Variants in SYNE1 observed in about 807,000 individuals in gnomAD.
SYNE1 encodes the protein nesprin-1.
Under a neutral mutation model 1,111.0 loss-of-function variants are expected in SYNE1, and 616 were observed. The ratio of observed to expected loss-of-function variants is 0.55; its 90% CI spans 0.52 to 0.59. The LOEUF (loss-of-function observed/expected upper bound fraction) is 0.59, where lower values mean the gene tolerates loss of function less well. Ranked by LOEUF, SYNE1 falls within the 20% of genes least tolerant of loss-of-function variation. The probability of loss-of-function intolerance (pLI) is 0.00; values close to 1 mark genes in which losing one functional copy is unlikely to be tolerated. For synonymous variants in SYNE1, 3,855 were observed against 3,825.8 expected, an observed-to-expected ratio of 1.01 and a Z score of -0.28; for missense variants, 10,006 against 10,417.0, an observed-to-expected ratio of 0.96 and a Z score of 1.72.
At chr6:152,362,446 T>A in intron 63 of SYNE1, 123 bp from the exon 64 acceptor site, 1 of 1,356,388 alleles carries the variant, frequency 7.4e-7, no homozygotes, top group Non-Finnish European at 1.0e-6. Context: ...GAAGCTTGCT[T>A]GGGAGTGAGC....
At position 152,254,955 on chromosome 6, in the gene SYNE1, T is replaced by C. The variant is rs201913828; in HGVS notation, c.19395A>G (p.Leu6465=). ...GATTCACTACTGAGTCTAGCAAGGA[T>C]AACCTGCCCAAAAGACAACCCAAAG... is the stretch of plus-strand genomic sequence containing the variant. The part of the protein sequence containing the change: ...EDTLGCLLGR[L]SLLDSVVNQR... The change falls in exon 104 of 146, where the codon TTA becomes TTG. Residue 6465 remains leucine (L), a synonymous_variant. Transcript: ENST00000367255. 35 of 1,613,950 alleles carry C rather than the reference T, an allele frequency of 2.2e-5. No individual in the cohort carries two copies. In the South Asian group the frequency reaches 2.4e-4, roughly 11 times the overall value.
intron 5 of SYNE1, among the ~76,000 whole-genome samples, chr6:152,524,173 T>C (rs1397954082): frequency 6.6e-6 from 1 of 152,188 alleles, no homozygotes; most frequent in Admixed American, 6.5e-5. Context: ...CAGTATGATG[T>C]TAGCTGTGGA....
chr6:152,236,937 A>G lies in SYNE1; in HGVS notation c.20079T>C (p.His6693=). 1 of 1,614,062 alleles carries G rather than the reference A, an allele frequency of 6.2e-7. No homozygotes were observed. Among genetic ancestry groups the G allele is most frequent in the Non-Finnish European group, 8.5e-7 (1 of 1,180,004 alleles). ...ELEYILETWS[H]LDEDQQELSR... is the part of the protein sequence containing the mutation. ...TGAGCTCCTGCTGGTCCTCATCCAG[A>G]TGGGACCACGTCTAGAAACACAACA... The change falls in exon 109 of 146, where the codon CAT becomes CAC. Residue 6693 remains histidine, a synonymous_variant. Coordinates refer to ENST00000367255, the MANE Select transcript of SYNE1 (RefSeq NM_182961.4).
chr6:152,205,595 GA>G (rs1200375064), intron 126 of SYNE1, among the ~76,000 whole-genome samples: 1 of 152,186 alleles, frequency 6.6e-6, no homozygotes, highest in African/African-American at 2.4e-5. Context: ...TGAAGAGTGA[GA>G]GAGAAAAGCA....
chr6:152,226,745 G>A (rs1374335352), intron 115 of SYNE1, among the ~76,000 whole-genome samples: 3 of 152,162 alleles, frequency 2.0e-5, no homozygotes, highest in African/African-American at 4.8e-5. Flanking sequence ...AAGAGCTGGT[G>A]AGGGATGGAG....
intron 55 of SYNE1, 111 bp downstream of exon 55, chr6:152,385,563 A>C: frequency 7.7e-7 from 1 of 1,302,910 alleles, no homozygotes; most frequent in South Asian, 1.3e-5. Context: ...CATCAAATAG[A>C]AAACAGGAAG....
chr6:152,151,589 A>C lies in SYNE1; in HGVS notation c.24414T>G (p.Ser8138=). 1.2e-6 allele frequency: 2 copies of C among 1,614,202 alleles called. No individual in the cohort carries two copies. The highest frequency in any genetic ancestry group is 1.7e-6 in the Non-Finnish European group (2 of 1,180,022). The change falls in exon 135 of 146, where the codon TCT becomes TCG. Residue 8138 remains serine, a synonymous_variant. Coordinates refer to ENST00000367255, the MANE Select transcript of SYNE1 (RefSeq NM_182961.4). ...TTATTTTAGCTTGAACATCACACTC[A>C]GAAAAATGTTCAATATTAGTGAGCT... ...DLQLTNIEHF[S]ECDVQAKIKQ...
chr6:152,171,293 C>T (rs1179925862), intron 130 of SYNE1, among the ~76,000 whole-genome samples: 1 of 152,206 alleles, frequency 6.6e-6, no homozygotes, highest in Non-Finnish European at 1.5e-5. Context: ...AGCTGAAGCC[C>T]GAAGCCAATG....
At chr6:152,577,062 A>T (rs1185157051) in intron 3 of SYNE1, among the ~76,000 whole-genome samples, 1 of 152,234 alleles carries the variant, frequency 6.6e-6, no homozygotes, top group African/African-American at 2.4e-5. Context: ...CTTTAAATTA[A>T]TTTGAGCTTC....
Position 152,271,581 on chromosome 6 carries a change from A to T in SYNE1, c.18574-2295T>A, listed in dbSNP as rs143800781. Among the ~76,000 whole-genome samples, 32 of 152,316 alleles carry T rather than the reference A, an allele frequency of 2.1e-4. No individual in the cohort carries two copies. The East Asian group carries it at 5.6e-3, about 27-fold the overall frequency. On this transcript the variant is annotated intron_variant, in intron 98 of 145. Coordinates refer to ENST00000367255, the MANE Select transcript of SYNE1 (RefSeq NM_182961.4). ...AGCAGTGATTTTCCTAGAGATGGGA[A>T]GTTTGGGTGGATGGGCATTCTCCCA...
At chr6:152,472,191 A>C (rs1415114612) in intron 15 of SYNE1, 110 bp downstream of exon 15, 2 of 894,052 alleles carry the variant, frequency 2.2e-6, no homozygotes, top group Non-Finnish European at 3.5e-6. Context: ...CTATTTACCA[A>C]AGGTAGGCGC....
intron 133 of SYNE1, 81 bp from the exon 134 acceptor site, chr6:152,152,222 G>C: frequency 7.9e-7 from 1 of 1,262,532 alleles, no homozygotes; most frequent in Admixed American, 1.7e-5. Context: ...TTATTGTAGC[G>C]TCTGGGAGAA....
chr6:152,179,001 T>TTGAAC lies in SYNE1; in HGVS notation c.23460+1134_23460+1135insGTTCA, dbSNP rs573239137. 1.6e-3 allele frequency among the ~76,000 whole-genome samples: 238 copies of TTGAAC among 146,182 alleles called. 1 individual carries two copies. The highest frequency in any genetic ancestry group is 5.6e-3 in the African/African-American group (218 of 39,270). ...CAATCTCGGCTCACTGCAACCTCCA[T>TTGAAC]CTCCTGGGTTCAAGTGATTCTCTTG... On this transcript the variant is annotated intron_variant, in intron 129 of 145. Coordinates refer to ENST00000367255, the MANE Select transcript of SYNE1 (RefSeq NM_182961.4).
At position 152,268,065 on chromosome 6, in the gene SYNE1, C is replaced by T. The variant is rs1275027623; in HGVS notation, c.18806G>A (p.Gly6269Asp). 1 of 1,613,626 alleles carries T rather than the reference C, an allele frequency of 6.2e-7. No individual in the cohort carries two copies. The highest frequency in any genetic ancestry group is 8.5e-7 in the Non-Finnish European group (1 of 1,179,580). ...LIQHSAAETS[G>D]DAGEKPDVLS... ...GCATTTTGAAACATACCCAGCATCA[C>T]CAGAGGTCTCTGCCGCCGAATGTTG... The change falls in exon 100 of 146, where the codon GGT becomes GAT. Residue 6269 changes from glycine to aspartate, a missense_variant. By Grantham distance (94) the Gly-to-Asp change is moderately conservative. This residue lies in a region of SYNE1 where 2,182 missense variants were observed against 2,287.8 expected (regional missense o/e 0.95). Coordinates refer to ENST00000367255, the MANE Select transcript of SYNE1 (RefSeq NM_182961.4).
At chr6:152,365,770 T>A (rs1288832801) in intron 62 of SYNE1, among the ~76,000 whole-genome samples, 1 of 152,096 alleles carries the variant, frequency 6.6e-6, no homozygotes, top group African/African-American at 2.4e-5. Flanking sequence ...AGAAGGAAGT[T>A]TTAATTCCAA....
intron 3 of SYNE1, among the ~76,000 whole-genome samples, chr6:152,563,848 T>A (rs2099402713): frequency 6.6e-6 from 1 of 152,144 alleles, no homozygotes; most frequent in Admixed American, 6.5e-5. Context: ...TTTCTGGAAT[T>A]TTTCCCAAAT....
chr6:152,133,905 A>AG (rs397747187), intron 142 of SYNE1: 15 of 190,548 alleles, frequency 7.9e-5, no homozygotes, highest in East Asian at 1.3e-4. Context: ...GAAAAAAAAA[A>AG]GGGGTGATTC....
intron 3 of SYNE1, among the ~76,000 whole-genome samples, chr6:152,541,863 G>A (rs1440196016): frequency 6.6e-6 from 1 of 151,790 alleles, no homozygotes; most frequent in Non-Finnish European, 1.5e-5. Context: ...CACTAACCGG[G>A]TGACGAGACC....
intron 100 of SYNE1, among the ~76,000 whole-genome samples, chr6:152,263,575 T>A (rs1481407347): frequency 6.6e-6 from 1 of 151,544 alleles, no homozygotes; most frequent in Non-Finnish European, 1.5e-5. Flanking sequence ...TTTTTTTAAT[T>A]CTTTGTAGAG....
Sources: gnomAD v4.1 joint callset for allele counts (sites outside exome capture counted in the v4.1 genomes callset) on GRCh38, gnomAD v4.1.1 for gene constraint, gnomAD v4.1.1 regional missense constraint, MANE v1.5 for transcripts, NCBI Gene and HGNC (gene_info 2026-07-23, HGNC 2026-07-21) for gene names.